Variants in HGF observed in about 807,000 individuals in gnomAD.
HGF encodes hepatocyte growth factor.
A neutral mutation model predicts 111.6 loss-of-function variants in HGF; 39 were observed. The observed-to-expected ratio is 0.35, with a 90% CI of 0.27 to 0.46. The LOEUF (loss-of-function observed/expected upper bound fraction) is 0.46, where lower values mean the gene tolerates loss of function less well. Ranked by LOEUF, HGF falls within the 20% of genes least tolerant of loss-of-function variation. The probability of loss-of-function intolerance (pLI) is 1.00; values close to 1 mark genes in which losing one functional copy is unlikely to be tolerated. For synonymous variants in HGF, 285 were observed against 294.8 expected (o/e 0.97, Z 0.34); for missense variants, 735 against 910.5 (o/e 0.81, Z 2.48).
intron 5 of HGF, chr7:81,751,227 GTC>G: frequency 1.0e-6 from 1 of 962,834 alleles, no homozygotes; most frequent in Non-Finnish European, 1.2e-6. Flanking sequence ...CATTCCAGTA[GTC>G]CCCCTCCCCA....
Position 81,706,291 on chromosome 7 carries a change from C to T in HGF, c.1753G>A (p.Ala585Thr). The change falls in exon 15 of 18, where the codon GCC (alanine) becomes ACC (threonine). Residue 585 changes from alanine to threonine, a missense_variant. This residue lies in a region of HGF where 130 missense variants were observed against 129.9 expected (regional missense o/e 1.00). Transcript: ENST00000222390. ...AAATCTTCTAAAGTAACTAACCTGG[C>T]AAGCTTCATTAAAACCAGATCTGAT... Reference protein sequence around the residue: ...EGSDLVLMKLARPAVLDDFVS... With the variant: ...EGSDLVLMKLTRPAVLDDFVS... The T allele has an allele frequency of 6.2e-7, 1 of 1,612,486 alleles. No homozygotes were observed. Among genetic ancestry groups the T allele is most frequent in the Non-Finnish European group, 8.5e-7 (1 of 1,178,970 alleles).
intron 3 of HGF, among the ~76,000 whole-genome samples, chr7:81,757,668 T>C (rs1267400502): frequency 6.6e-6 from 1 of 152,170 alleles, no homozygotes; most frequent in Non-Finnish European, 1.5e-5. Context: ...AAACCTATAT[T>C]GAATTCAAAA....
chr7:81,743,117 A>G (rs1255802998), intron 7 of HGF, among the ~76,000 whole-genome samples: 4 of 152,230 alleles, frequency 2.6e-5, no homozygotes, highest in East Asian at 1.9e-4. Flanking sequence ...GGCTCTTGCC[A>G]TAAGTAAAAA....
At position 81,710,201 on chromosome 7, in the gene HGF, A is replaced by G; in HGVS notation, c.1487T>C (p.Val496Ala). 1.9e-6 allele frequency: 3 copies of G among 1,613,754 alleles called. No individual in the cohort carries two copies. Among genetic ancestry groups the G allele is most frequent in the Non-Finnish European group, 2.5e-6 (3 of 1,179,682 alleles). ...SCAKTKQLRV[V>A]NGIPTRTNIG... ...GTTTGTTCGTGTTGGAATCCCATTT[A>G]CAACTCGCAATTGTTTCGTTTTGGC... The change falls in exon 13 of 18, where the codon GTA becomes GCA. Residue 496 changes from valine (V) to alanine (A), a missense_variant. Coordinates refer to ENST00000222390, the MANE Select transcript of HGF (RefSeq NM_000601.6).
rs770247726 is a variant in HGF at position 81,729,594 on chromosome 7, A to G, written c.1040+11T>C. ...CTACTGAAATGTATAACATTTGCCTACTTTACTCACTTGCACTTGAAATTT... is the reference window on the plus strand; with the variant it reads ...CTACTGAAATGTATAACATTTGCCTGCTTTACTCACTTGCACTTGAAATTT... On this transcript the variant is annotated intron_variant, in intron 8 of 17. Transcript: ENST00000222390. The G allele has an allele frequency of 6.2e-6, 10 of 1,602,502 alleles. No homozygotes were observed. Among genetic ancestry groups the G allele is most frequent in the Non-Finnish European group, 8.5e-6 (10 of 1,169,632 alleles).
At chr7:81,706,600 A>C (rs1789434567) in intron 14 of HGF, among the ~76,000 whole-genome samples, 173 bp from the exon 15 acceptor site, 1 of 152,078 alleles carries the variant, frequency 6.6e-6, no homozygotes, top group Admixed American at 6.6e-5. Flanking sequence ...AATACTACAA[A>C]CATACATAAG....
chr7:81,737,201 A>AATAG (rs1372961982), intron 7 of HGF, among the ~76,000 whole-genome samples: 1 of 152,008 alleles, frequency 6.6e-6, no homozygotes, highest in Admixed American at 6.6e-5. Flanking sequence ...CTGGGCAAAT[A>AATAG]ATAGAGCCTA....
chr7:81,757,684 C>T (rs1466457700), intron 3 of HGF, among the ~76,000 whole-genome samples: 2 of 151,956 alleles, frequency 1.3e-5, no homozygotes, highest in East Asian at 3.9e-4. Context: ...CAAAAAGTTA[C>T]CTAAGATAAT....
chr7:81,709,808 T>G (rs1283091075), intron 13 of HGF, among the ~76,000 whole-genome samples: 1 of 152,152 alleles, frequency 6.6e-6, no homozygotes, highest in Non-Finnish European at 1.5e-5. Flanking sequence ...GATTGGAAAT[T>G]TAATAACAAG....
At chr7:81,721,898 C>T (rs1267133697) in intron 9 of HGF, among the ~76,000 whole-genome samples, 1 of 152,174 alleles carries the variant, frequency 6.6e-6, no homozygotes, top group African/African-American at 2.4e-5. Flanking sequence ...CTTAGGCATA[C>T]GTTAATGAAT....
intron 8 of HGF, among the ~76,000 whole-genome samples, chr7:81,729,396 G>T (rs5745690): frequency 6.6e-6 from 1 of 152,000 alleles, no homozygotes; most frequent in African/African-American, 2.4e-5. Context: ...AACCACCTAG[G>T]GTCCTTAATG....
chr7:81,702,599 A>G lies in HGF; in HGVS notation c.2169T>C (p.Tyr723=), dbSNP rs777071855. Residue 723 remains tyrosine, a synonymous_variant, in exon 18 of 18, where the codon TAT becomes TAC. Coordinates refer to ENST00000222390, the MANE Select transcript of HGF (RefSeq NM_000601.6). ...AKWIHKIILT[Y]KVPQS ...ACTTCAGCTATGACTGTGGTACCTTATATGTTAAAATAATTTTGTGTATCC... is the reference window on the plus strand; with the variant it reads ...ACTTCAGCTATGACTGTGGTACCTTGTATGTTAAAATAATTTTGTGTATCC... 6.2e-7 allele frequency: 1 copy of G among 1,610,718 alleles called. No individual in the cohort carries two copies. Among genetic ancestry groups the G allele is most frequent in the Admixed American group, 1.7e-5 (1 of 59,768 alleles).
intron 7 of HGF, among the ~76,000 whole-genome samples, chr7:81,732,727 G>A (rs1223419115): frequency 2.6e-5 from 4 of 152,030 alleles, no homozygotes; most frequent in South Asian, 4.1e-4. Context: ...AAGCAATCAC[G>A]TGATAATCAG....
In HGF at chr7:81,745,011, G is replaced by A; in HGVS notation, c.735C>T (p.Phe245=). ...WDHQTPHRHK[F]LPERYPDKGF... Reference sequence around the variant, plus strand: ...CATTAATATTTTACCTTTCAGGCAAGAATTTGTGCCGGTGTGGTGTCTGAT... The same window carrying A: ...CATTAATATTTTACCTTTCAGGCAAAAATTTGTGCCGGTGTGGTGTCTGAT... Residue 245 remains phenylalanine, a synonymous_variant, in exon 6 of 18, where the codon TTC becomes TTT. Coordinates refer to ENST00000222390, the MANE Select transcript of HGF (RefSeq NM_000601.6). The A allele has an allele frequency of 6.2e-7, 1 of 1,614,006 alleles. No homozygotes were observed. The highest frequency in any genetic ancestry group is 8.5e-7 in the Non-Finnish European group (1 of 1,179,982).
intron 15 of HGF, 26 bp downstream of exon 15, chr7:81,706,261 A>G (rs1789423235): frequency 1.2e-6 from 2 of 1,609,824 alleles, no homozygotes; most frequent in Non-Finnish European, 1.7e-6. Context: ...CAGGTGAAAA[A>G]TACAAAATCT....
chr7:81,744,161 C>G (rs1446876444), intron 6 of HGF, among the ~76,000 whole-genome samples: 1 of 152,096 alleles, frequency 6.6e-6, no homozygotes, highest in African/African-American at 2.4e-5. Flanking sequence ...CACCTAACAG[C>G]AATTTCCAAA....
At chr7:81,721,103 C>T (rs1789846409) in intron 9 of HGF, among the ~76,000 whole-genome samples, 1 of 152,040 alleles carries the variant, frequency 6.6e-6, no homozygotes, top group Non-Finnish European at 1.5e-5. Flanking sequence ...AAAAATTAGC[C>T]AGGCGTGGTG....
intron 4 of HGF, 73 bp from the exon 5 acceptor site, chr7:81,752,335 G>C: frequency 8.0e-7 from 1 of 1,254,144 alleles, no homozygotes; most frequent in Non-Finnish European, 1.2e-6. Context: ...TTACTAATTA[G>C]TGGGTATGTT....
At chr7:81,742,101 G>A (rs922248525) in intron 7 of HGF, among the ~76,000 whole-genome samples, 8 of 152,134 alleles carry the variant, frequency 5.3e-5, no homozygotes, top group Admixed American at 6.5e-5. Flanking sequence ...AATCTATGCA[G>A]AGAAACACTG....
Sources: allele counts gnomAD v4.1 joint callset (sites outside exome capture counted in the v4.1 genomes callset), GRCh38; gene constraint gnomAD v4.1.1; regional missense constraint gnomAD v4.1.1; transcripts MANE v1.5; gene names NCBI Gene and HGNC (gene_info 2026-07-23, HGNC 2026-07-21).